Variants in SLC6A6 observed in about 807,000 individuals in gnomAD.
The protein encoded by SLC6A6 is solute carrier family 6 member 6.
A neutral mutation model predicts 68.8 loss-of-function variants in SLC6A6; 16 were observed. The observed-to-expected ratio is 0.23, with a 90% CI of 0.16 to 0.35. The LOEUF (loss-of-function observed/expected upper bound fraction) is 0.35, where lower values mean the gene tolerates loss of function less well. SLC6A6 is among the 10% of genes least tolerant of loss of function. The probability of loss-of-function intolerance (pLI) is 1.00; values close to 1 mark genes in which losing one functional copy is unlikely to be tolerated. For synonymous variants in SLC6A6, 312 were observed against 315.4 expected (o/e 0.99, Z 0.12); for missense variants, 474 against 802.8 (o/e 0.59, Z 4.95).
At chr3:14,436,736 G>C (rs1233862630) in intron 2 of SLC6A6, among the ~76,000 whole-genome samples, 1 of 152,048 alleles carries the variant, frequency 6.6e-6, no homozygotes, top group East Asian at 1.9e-4. Flanking sequence ...GTTTGCTAGA[G>C]GAGGGCTCCA....
intron 9 of SLC6A6, among the ~76,000 whole-genome samples, chr3:14,471,061 C>A (rs746454686): frequency 1.2e-4 from 18 of 151,310 alleles, no homozygotes; most frequent in African/African-American, 1.7e-4. Context: ...CATTCTTGAG[C>A]CATTCGTCTG....
chr3:14,464,791 G>T (rs979167502), intron 6 of SLC6A6, among the ~76,000 whole-genome samples: 2 of 152,194 alleles, frequency 1.3e-5, no homozygotes, highest in Non-Finnish European at 2.9e-5. Context: ...CTGTAAAATG[G>T]GTGCATTGAC....
Position 14,453,996 on chromosome 3 carries a change from C to T in SLC6A6, c.600-3954C>T, listed in dbSNP as rs575609299. On this transcript the variant is annotated intron_variant, in intron 5 of 14. Coordinates refer to ENST00000622186, the MANE Select transcript of SLC6A6 (RefSeq NM_003043.6). ...TGAGGGTAGGGCTTGGGCGCCCGCA[C>T]CCGCAGCCTGCCCAGAACACTTCCC... 5.0e-4 allele frequency among the ~76,000 whole-genome samples: 76 copies of T among 152,310 alleles called. 1 individual carries two copies. Among genetic ancestry groups the T allele is most frequent in the Middle Eastern group, 6.8e-3 (2 of 294 alleles).
intron 9 of SLC6A6, among the ~76,000 whole-genome samples, chr3:14,470,184 T>TATTTTC (rs1700719727): frequency 1.3e-5 from 2 of 152,296 alleles, no homozygotes; most frequent in African/African-American, 4.8e-5. Context: ...GACAACGAAG[T>TATTTTC]ATTTTCGTAG....
chr3:14,468,000 A>T, intron 8 of SLC6A6, 44 bp downstream of exon 8: 5 of 1,608,562 alleles, frequency 3.1e-6, no homozygotes, highest in Non-Finnish European at 4.3e-6. Flanking sequence ...AGAAATGATG[A>T]TGATGATGTT....
chr3:14,409,581 T>C (rs533519802), intron 1 of SLC6A6, among the ~76,000 whole-genome samples: 1 of 152,342 alleles, frequency 6.6e-6, no homozygotes, highest in Non-Finnish European at 1.5e-5. Flanking sequence ...GAGTGCCTAC[T>C]GTGTGCCAGG....
At chr3:14,439,252 C>T (rs945009720) in intron 2 of SLC6A6, among the ~76,000 whole-genome samples, 1 of 152,220 alleles carries the variant, frequency 6.6e-6, no homozygotes, top group African/African-American at 2.4e-5. Flanking sequence ...CTTCCTTTAT[C>T]TATAAACTAC....
intron 6 of SLC6A6, among the ~76,000 whole-genome samples, chr3:14,465,863 C>T (rs1267042117): frequency 2.0e-5 from 3 of 152,358 alleles, no homozygotes; most frequent in African/African-American, 7.2e-5. Context: ...ATGTCAGTTC[C>T]ACGAAGGCAG....
intron 1 of SLC6A6, among the ~76,000 whole-genome samples, chr3:14,408,861 C>T (rs1007466745): frequency 7.2e-5 from 11 of 151,790 alleles, no homozygotes; most frequent in East Asian, 3.9e-4. Flanking sequence ...GGCTGGAGTG[C>T]AGTGGCGTGA....
chr3:14,409,888 A>T (rs866754670), intron 1 of SLC6A6, among the ~76,000 whole-genome samples: 57 of 152,296 alleles, frequency 3.7e-4, no homozygotes, highest in Middle Eastern at 3.4e-3. Flanking sequence ...AGATAAAGCC[A>T]TCAAAAGAGC....
intron 10 of SLC6A6, among the ~76,000 whole-genome samples, chr3:14,474,285 C>T (rs994770202): frequency 3.9e-5 from 6 of 152,202 alleles, no homozygotes; most frequent in Non-Finnish European, 7.3e-5. Context: ...ACTGCCAGCA[C>T]TGTGACAGGA....
In SLC6A6 at chr3:14,472,410, C is replaced by G. The variant is rs921121335; in HGVS notation, c.1209+93C>G. 1 of 765,198 alleles carries G rather than the reference C, an allele frequency of 1.3e-6. No individual in the cohort carries two copies. Among genetic ancestry groups the G allele is most frequent in the Non-Finnish European group, 2.3e-6 (1 of 434,784 alleles). The allele number at this position is 765,198 out of a possible 1,614,324, so 47.4% of individuals were successfully genotyped here. The stretch of plus-strand genomic sequence containing the variant: ...ATTCCACCTGGGAGGTGGTCAACCC[C>G]CTTCCCCCCTCCAGTCAGACTTCCA... On this transcript the variant is annotated intron_variant, in intron 10 of 14. Transcript: ENST00000622186. This position sits in a 1 kb window ranked among gnomAD's most constrained non-coding sequence, Gnocchi z 4.5.
intron 9 of SLC6A6, among the ~76,000 whole-genome samples, chr3:14,469,229 G>A (rs775876301): frequency 4.0e-5 from 6 of 151,854 alleles, no homozygotes; most frequent in African/African-American, 9.7e-5. Context: ...GCCCCACCCC[G>A]TCCATGTCCT....
rs569218431 is a variant in SLC6A6, at chr3:14,463,532, C to T, written c.733-2984C>T. Among the ~76,000 whole-genome samples the T allele has an allele frequency of 9.2e-5, 14 of 152,358 alleles. No homozygotes were observed. In the South Asian group the frequency reaches 1.7e-3, roughly 18 times the overall value. On this transcript the variant is annotated intron_variant, in intron 6 of 14. Transcript: ENST00000622186. ...AGTGGCCGCCCTCTGGAGACCCCTG[C>T]GGGGCTGCTGTCAGCAGCTATTGTT...
Position 14,486,496 on chromosome 3 carries a change from T to C in SLC6A6, c.*1489T>C, listed in dbSNP as rs2341984. On this transcript the variant is annotated 3_prime_UTR_variant, in exon 15 of 15. Coordinates refer to ENST00000622186, the MANE Select transcript of SLC6A6 (RefSeq NM_003043.6). ...TTGGGATTGTCAGGGTCCTGGCCCCTCAGAACTGGCTTGATCAAGGGCCTT... is the reference window on the plus strand; with the variant it reads ...TTGGGATTGTCAGGGTCCTGGCCCCCCAGAACTGGCTTGATCAAGGGCCTT... The C allele has an allele frequency of 0.67, 101,806 of 152,550 alleles. 34,533 individuals are homozygous for C. Among genetic ancestry groups the C allele is most frequent in the East Asian group, 0.87 (4,506 of 5,176 alleles). The allele number at this position is 152,550 out of a possible 1,614,324, so 9.4% of individuals were successfully genotyped here. A position where few individuals can be genotyped will look rare whatever the true frequency, so the allele number is the denominator to read the frequency against.
Position 14,481,652 on chromosome 3 carries a change from T to C in SLC6A6, c.1552-19T>C, listed in dbSNP as rs1017535488. On this transcript the variant is annotated intron_variant, in intron 13 of 14. Transcript: ENST00000622186. This position sits in a 1 kb window ranked among gnomAD's most constrained non-coding sequence, Gnocchi z 4.7. ...CGATGCCCAGGACCCCTCTCCTGAC[T>C]GCCCCCATCTCTCCGCAGGGATGTT... 4.7e-6 allele frequency: 7 copies of C among 1,484,750 alleles called. No homozygotes were observed. The highest frequency in any genetic ancestry group is 1.8e-5 in the Admixed American group (1 of 55,786). The allele number at this position is 1,484,750 out of a possible 1,614,324, so 92.0% of individuals were successfully genotyped here. A position where few individuals can be genotyped will look rare whatever the true frequency, so the allele number is the denominator to read the frequency against.
chr3:14,406,973 C>T (rs1183338670), intron 1 of SLC6A6, among the ~76,000 whole-genome samples: 1 of 152,128 alleles, frequency 6.6e-6, no homozygotes, highest in Non-Finnish European at 1.5e-5. Context: ...TATTCAGACT[C>T]CCAGGCCCAG....
Position 14,484,934 on chromosome 3 carries a change from C to T in SLC6A6, c.1790C>T (p.Pro597Leu), listed in dbSNP as rs938126566. ...GCTGTGGAGCGCGAGGGAGCCACAC[C>T]TTACAACTCTCGCACCGTCATGAAC... ...RWAVEREGAT[P>L]YNSRTVMNGA... Residue 597 changes from proline (P) to leucine (L), a missense_variant, in exon 15 of 15, where the codon CCT (proline) becomes CTT (leucine). Around this residue, in one of 2 missense-constraint regions of SLC6A6, gnomAD observed 194 missense variants for 269.8 expected, o/e 0.72. Transcript: ENST00000622186. The T allele has an allele frequency of 3.1e-6, 5 of 1,612,742 alleles. No individual in the cohort carries two copies. The African/African-American group carries it at 4.0e-5, about 13-fold the overall frequency.
chr3:14,483,863 T>A (rs749107654), intron 14 of SLC6A6, among the ~76,000 whole-genome samples: 24 of 152,118 alleles, frequency 1.6e-4, no homozygotes, highest in Admixed American at 4.6e-4. Flanking sequence ...TAATTTTTTT[T>A]TTTAAGAGTT....
Sources: allele counts gnomAD v4.1 joint callset (sites outside exome capture counted in the v4.1 genomes callset), GRCh38; gene constraint gnomAD v4.1.1; regional missense constraint gnomAD v4.1.1; non-coding constraint Gnocchi (gnomAD v3.1); transcripts MANE v1.5; gene names NCBI Gene and HGNC (gene_info 2026-07-23, HGNC 2026-07-21).